The following ERBB2 variants were observed in gnomAD, a reference collection of about 807,000 sequenced individuals.
The protein encoded by ERBB2 is erb-b2 receptor tyrosine kinase 2, also known as receptor tyrosine-protein kinase erbB-2.
Under a neutral mutation model 149.0 loss-of-function variants are expected in ERBB2, and 61 were observed. The ratio of observed to expected loss-of-function variants is 0.41; its 90% CI spans 0.33 to 0.51. The LOEUF (loss-of-function observed/expected upper bound fraction) is 0.51. ERBB2 is among the 20% of genes least tolerant of loss of function. The pLI is 0.25. For missense variants in ERBB2, 1,205 were observed against 1,655.1 expected (o/e 0.73, Z 4.72); for synonymous variants, 633 against 678.8 (o/e 0.93, Z 1.05).
chr17:39,701,837 T>G (rs2058127094), intron 1 of ERBB2, among the ~76,000 whole-genome samples: 1 of 152,152 alleles, frequency 6.6e-6, no homozygotes, highest in Admixed American at 6.5e-5. Flanking sequence ...AGAAGGTTCC[T>G]CTCTTCCAGG....
At chr17:39,712,640 A>G (rs1222114313) in intron 9 of ERBB2, among the ~76,000 whole-genome samples, 192 bp downstream of exon 9, 1 of 152,188 alleles carries the variant, frequency 6.6e-6, no homozygotes, top group Non-Finnish European at 1.5e-5. Context: ...ATGACATGCT[A>G]TCCGTGAACA....
At chr17:39,721,965 C>T (rs929411197) in intron 16 of ERBB2, among the ~76,000 whole-genome samples, 1 of 151,954 alleles carries the variant, frequency 6.6e-6, no homozygotes, top group Non-Finnish European at 1.5e-5. Flanking sequence ...GTTACCCAGG[C>T]TGGAGTGCAA....
Position 39,700,158 on chromosome 17 carries a change from C to A in ERBB2, c.-81C>A, listed in dbSNP as rs981695730. On this transcript the variant is annotated 5_prime_UTR_variant, in exon 1 of 27. Coordinates refer to ENST00000269571, the MANE Select transcript of ERBB2 (RefSeq NM_004448.4). The stretch of plus-strand genomic sequence containing the variant: ...TTTACTGCGCCGCGCGCCCGGCCCC[C>A]ACCCCTCGCAGCACCCCGCGCCCCG... The A allele has an allele frequency of 1.4e-5, 18 of 1,330,610 alleles. No individual in the cohort carries two copies. In the Admixed American group the frequency reaches 4.5e-4, roughly 33 times the overall value. The allele number at this position is 1,330,610 out of a possible 1,614,324, so 82.4% of individuals were successfully genotyped here.
intron 4 of ERBB2, 142 bp downstream of exon 4, chr17:39,709,594 A>G (rs2058673918): frequency 3.9e-6 from 4 of 1,018,938 alleles, no homozygotes; most frequent in South Asian, 3.0e-5. Flanking sequence ...CCCTCCTGCC[A>G]TCTCCCTGTG....
chr17:39,691,574 T>TATATATATATATATATATATATAC (rs1244087250), upstream of ERBB2, among the ~76,000 whole-genome samples: 1 of 122,064 alleles, frequency 8.2e-6, no homozygotes, highest in African/African-American at 4.0e-5. Context: ...TATATATATA[T>TATATATATATATATATATATATAC]ACACACACAC....
chr17:39,711,668 G>T (rs1004288172), intron 7 of ERBB2, among the ~76,000 whole-genome samples: 1 of 152,146 alleles, frequency 6.6e-6, no homozygotes, highest in Admixed American at 6.5e-5. Flanking sequence ...TCAAATCCTC[G>T]CTCCTCCACT....
At chr17:39,691,926 TAC>T (rs1190469617), upstream of ERBB2, among the ~76,000 whole-genome samples, 14 of 100,862 alleles carry the variant, frequency 1.4e-4, no homozygotes, top group South Asian at 4.1e-4. Context: ...CATATACATA[TAC>T]ATATACATAT....
chr17:39,699,299 A>G (rs941164311), upstream of ERBB2, among the ~76,000 whole-genome samples: 1 of 152,210 alleles, frequency 6.6e-6, no homozygotes, highest in Non-Finnish European at 1.5e-5. Context: ...GTCTTTACTA[A>G]AAATACAAAA....
intron 7 of ERBB2, 120 bp from the exon 8 acceptor site, chr17:39,711,808 C>T (rs1389192329): frequency 6.8e-6 from 8 of 1,168,300 alleles, no homozygotes; most frequent in East Asian, 2.4e-5. Context: ...GGTGCTGATG[C>T]GTGGTAGGGC....
chr17:39,712,259 T>G (rs779917953), intron 8 of ERBB2, 63 bp from the exon 9 acceptor site: 12 of 1,606,540 alleles, frequency 7.5e-6, no homozygotes, highest in African/African-American at 1.3e-5. Context: ...CTCATGTGGC[T>G]GTTGACCTGT....
intron 16 of ERBB2, among the ~76,000 whole-genome samples, chr17:39,722,832 TCA>T: frequency 6.6e-6 from 1 of 152,134 alleles, no homozygotes; most frequent in East Asian, 1.9e-4. Context: ...TTCTCCTGCC[TCA>T]GTCTCCCAAG....
chr17:39,711,880 G>T (rs1322931715), intron 7 of ERBB2, 48 bp from the exon 8 acceptor site: 1 of 1,612,124 alleles, frequency 6.2e-7, no homozygotes, highest in East Asian at 2.2e-5. Flanking sequence ...GCTCATGGTG[G>T]TGCACGAAGG....
intron 19 of ERBB2, among the ~76,000 whole-genome samples, 198 bp downstream of exon 19, chr17:39,724,208 TC>T: frequency 6.6e-6 from 1 of 150,396 alleles, no homozygotes; most frequent in South Asian, 2.1e-4. Flanking sequence ...AACCTCCACC[TC>T]CTGGACTCAA....
In ERBB2 at chr17:39,726,869, C is replaced by T. The variant is rs1274038182; in HGVS notation, c.3025C>T (p.Leu1009=). 5.0e-6 allele frequency: 8 copies of T among 1,613,764 alleles called. No individual in the cohort carries two copies. Among genetic ancestry groups the T allele is most frequent in the African/African-American group, 1.3e-5 (1 of 74,922 alleles). The change falls in exon 25 of 27, where the codon CTG becomes TTG. Residue 1009 remains leucine, a synonymous_variant. Transcript: ENST00000269571. This position sits in a 1 kb window ranked among gnomAD's most constrained non-coding sequence, Gnocchi z 5.1. ...PLDSTFYRSL[L]EDDDMGDLVD... Reference sequence around the variant, plus strand: ...GGACAGCACCTTCTACCGCTCACTGCTGGAGGACGATGACATGGGGGACCT... The same window carrying T: ...GGACAGCACCTTCTACCGCTCACTGTTGGAGGACGATGACATGGGGGACCT...
chr17:39,702,063 A>C (rs2058141961), intron 1 of ERBB2, among the ~76,000 whole-genome samples: 1 of 152,200 alleles, frequency 6.6e-6, no homozygotes, highest in Non-Finnish European at 1.5e-5. Context: ...CTCAACCTGC[A>C]CTATTGATTG....
At chr17:39,717,914 A>G (rs1473658515) in intron 15 of ERBB2, among the ~76,000 whole-genome samples, 1 of 152,140 alleles carries the variant, frequency 6.6e-6, no homozygotes, top group Non-Finnish European at 1.5e-5. Flanking sequence ...CCTGGGTTTA[A>G]GCAATTCTCC....
In ERBB2 at chr17:39,723,268, C is replaced by T. The variant is rs543173426; in HGVS notation, c.1947-51C>T. On this transcript the variant is annotated intron_variant, in intron 16 of 26. Coordinates refer to ENST00000269571, the MANE Select transcript of ERBB2 (RefSeq NM_004448.4). This position sits in a 1 kb window ranked among gnomAD's most constrained non-coding sequence, Gnocchi z 6.2. ...ATGTCCCCCGTGGGCCCCCTTTGTC[C>T]CTCCCACCCCAAACTAGCCCTCAAT... 1.9e-6 allele frequency: 3 copies of T among 1,591,388 alleles called. No homozygotes were observed. The highest frequency in any genetic ancestry group is 2.2e-5 in the East Asian group (1 of 44,576).
intron 1 of ERBB2, among the ~76,000 whole-genome samples, chr17:39,702,390 TA>T (rs1421294738): frequency 1.3e-5 from 2 of 152,206 alleles, no homozygotes; most frequent in African/African-American, 4.8e-5. Flanking sequence ...AGGGGAGGCC[TA>T]GGGGGAGCCC....
intron 1 of ERBB2, among the ~76,000 whole-genome samples, chr17:39,702,032 G>T (rs1277665937): frequency 6.6e-6 from 1 of 152,098 alleles, no homozygotes; most frequent in Admixed American, 6.5e-5. Context: ...CTCTGGATGG[G>T]GCCTCCTCAT....
Sources: gnomAD v4.1 joint callset for allele counts (sites outside exome capture counted in the v4.1 genomes callset) on GRCh38, gnomAD v4.1.1 for gene constraint, Gnocchi (gnomAD v3.1) non-coding constraint, MANE v1.5 for transcripts, NCBI Gene and HGNC (gene_info 2026-07-23, HGNC 2026-07-21) for gene names.